The following EPHA10 variants were observed in gnomAD, a reference collection of about 807,000 sequenced individuals.
EPHA10 encodes EPH receptor A10, also known as ephrin type-A receptor 10.
In EPHA10, 120 loss-of-function variants were observed where a neutral mutation model predicts 109.7. The ratio of observed to expected loss-of-function variants is 1.09; its 90% CI spans 0.94 to 1.27. The LOEUF is 1.27. EPHA10 is among the 50% of genes most tolerant of loss of function. The pLI is 0.00. For missense variants in EPHA10, 1,396 were observed against 1,411.1 expected, an observed-to-expected ratio of 0.99 and a Z score of 0.17; for synonymous variants, 640 against 618.9, an observed-to-expected ratio of 1.03 and a Z score of -0.51.
chr1:37,731,359 C>T (rs566173870), intron 7 of EPHA10, 52 bp downstream of exon 7: 65 of 1,499,674 alleles, frequency 4.3e-5, no homozygotes, highest in Non-Finnish European at 5.1e-5. Flanking sequence ...ACCTCAGCCC[C>T]GTGCAGGGTT....
intron 2 of EPHA10, 110 bp downstream of exon 2, chr1:37,762,675 C>T: frequency 1.1e-6 from 1 of 948,704 alleles, no homozygotes; most frequent in Non-Finnish European, 1.5e-6. Context: ...TGCTGGAGAC[C>T]ACACACTCTG....
chr1:37,735,200 A>G, intron 6 of EPHA10, 57 bp downstream of exon 6: 1 of 1,549,866 alleles, frequency 6.5e-7, no homozygotes, highest in Non-Finnish European at 8.7e-7. Flanking sequence ...GAAGAACCAG[A>G]AGCCCTGCGG....
At chr1:37,714,250 A>G (rs982279091), downstream of EPHA10, among the ~76,000 whole-genome samples, 4 of 152,224 alleles carry the variant, frequency 2.6e-5, no homozygotes, top group African/African-American at 9.6e-5. Context: ...CGCAGCCTAA[A>G]GAACATGAAT....
chr1:37,722,973 A>G (rs755782597), intron 10 of EPHA10, 68 bp downstream of exon 10: 1 of 1,610,380 alleles, frequency 6.2e-7, no homozygotes, highest in Non-Finnish European at 8.5e-7. Flanking sequence ...TGGACAGAGT[A>G]GGGGCGGGGC....
rs1646456262 is a variant in EPHA10, at chr1:37,764,163, G to A, written c.106+798C>T. Among the ~76,000 whole-genome samples the A allele has an allele frequency of 6.6e-6, 1 of 152,200 alleles. No individual in the cohort carries two copies. ...GGCCACCAAGGTGAGGGCCTCTCCAGAGGCGTCAGCGACTGTGGGCAGGAC... is the reference window on the plus strand; with the variant it reads ...GGCCACCAAGGTGAGGGCCTCTCCAAAGGCGTCAGCGACTGTGGGCAGGAC... On this transcript the variant is annotated intron_variant, in intron 1 of 16. Coordinates refer to ENST00000373048, the MANE Select transcript of EPHA10 (RefSeq NM_001099439.2). The surrounding 1 kb of genome is among the most constrained non-coding windows in gnomAD (Gnocchi z 5.8).
chr1:37,762,020 C>A lies in EPHA10; in HGVS notation c.235G>T (p.Val79Leu), dbSNP rs1283488094. The part of the protein sequence containing the change: ...RPIRTYQVCN[V>L]LEPNQDNWLQ... ...CAGTTGTCCTGGTTGGGCTCCAGCACATTGCACACTTGGTACGTGCGGATG... is the reference window on the plus strand; with the variant it reads ...CAGTTGTCCTGGTTGGGCTCCAGCAAATTGCACACTTGGTACGTGCGGATG... Residue 79 changes from valine to leucine, a missense_variant, in exon 3 of 17, where the codon GTG (valine) becomes TTG (leucine). Transcript: ENST00000373048. 5 of 1,613,840 alleles carry A rather than the reference C, an allele frequency of 3.1e-6. No homozygotes were observed. In the African/African-American group the frequency reaches 4.0e-5, roughly 13 times the overall value.
chr1:37,761,808 G>C lies in EPHA10; in HGVS notation c.447C>G (p.Pro149=), dbSNP rs1350626931. The change falls in exon 3 of 17, where the codon CCC becomes CCG. Residue 149 remains proline, a synonymous_variant. Coordinates refer to ENST00000373048, the MANE Select transcript of EPHA10 (RefSeq NM_001099439.2). ...RGRPRLGGSR[P]RKIDTIAADE... ...CCGCCGCGATCGTGTCGATTTTGCGGGGCCGGCTGCCGCCTAGGCGGGGAC... is the reference window on the plus strand; with the variant it reads ...CCGCCGCGATCGTGTCGATTTTGCGCGGCCGGCTGCCGCCTAGGCGGGGAC... 1 of 1,613,568 alleles carries C rather than the reference G, an allele frequency of 6.2e-7. No individual in the cohort carries two copies. The highest frequency in any genetic ancestry group is 2.2e-5 in the East Asian group (1 of 44,882).
At chr1:37,718,925 C>A (rs556885928) in intron 15 of EPHA10, 109 bp from the exon 16 acceptor site, 2 of 1,416,392 alleles carry the variant, frequency 1.4e-6, no homozygotes, top group Non-Finnish European at 1.9e-6. Context: ...GGGAGGGTAA[C>A]CGGGCCCCAG....
Position 37,727,206 on chromosome 1 carries a change from G to A in EPHA10, c.1668C>T (p.Ala556=), listed in dbSNP as rs1234090884. 6.3e-7 allele frequency: 1 copy of A among 1,599,100 alleles called. No individual in the cohort carries two copies. Residue 556 remains alanine, a synonymous_variant, in exon 8 of 17, where the codon GCC becomes GCT. Transcript: ENST00000373048. ...CGGGGCTCTGGTCCCTGGACCCTGAGGCAGCTGGGAGGAAAATCACGAGGT... is the reference window on the plus strand; with the variant it reads ...CGGGGCTCTGGTCCCTGGACCCTGAAGCAGCTGGGAGGAAAATCACGAGGT... ...SIEVQTLGEA[A]SGSRDQSPAI... is the part of the protein sequence containing the mutation.
rs192818347 is a variant in EPHA10 at position 37,752,958 on chromosome 1, C to T, written c.1275G>A (p.Val425=). 18 of 1,293,040 alleles carry T rather than the reference C, an allele frequency of 1.4e-5. No individual in the cohort carries two copies. The East Asian group carries it at 6.0e-4, about 43-fold the overall frequency. 80.1% of individuals were successfully genotyped at this position (1,293,040 alleles called of 1,614,324 possible). The change falls in exon 5 of 17, where the codon GTG becomes GTA. Residue 425 remains valine, a synonymous_variant. Coordinates refer to ENST00000373048, the MANE Select transcript of EPHA10 (RefSeq NM_001099439.2). ...LRPGARYTVR[V]AALNGVSGPA... ...GGCCCGAGACGCCGTTGAGCGCGGC[C>T]ACGCGCACGGTGTAGCGCGCGCCGG... is the stretch of plus-strand genomic sequence containing the variant.
rs7517941 is a variant in EPHA10 at position 37,723,228 on chromosome 1, C to A, written c.1835-62G>T. The A allele has an allele frequency of 1.6e-3, 2,617 of 1,605,678 alleles. 34 individuals are homozygous for A. The African/African-American group carries it at 0.031, about 19-fold the overall frequency. On this transcript the variant is annotated intron_variant, in intron 9 of 16. Coordinates refer to ENST00000373048, the MANE Select transcript of EPHA10 (RefSeq NM_001099439.2). ...TCCACCACTGGGGCTGACAAGCGGG[C>A]TCATGCAGTGTAGCAAGGCAGAGGG...
rs1645709784 is a variant in EPHA10 at position 37,717,371 on chromosome 1, G to A, written c.*1001C>T. The stretch of plus-strand genomic sequence containing the variant: ...GGTGGTGCCATAGGGCAGGACCAAG[G>A]ACTCTCTCCCCAGAGCCAGCCTTAC... On this transcript the variant is annotated 3_prime_UTR_variant, in exon 17 of 17. Transcript: ENST00000373048. 4.3e-6 allele frequency: 1 copy of A among 232,468 alleles called. No homozygotes were observed. The highest frequency in any genetic ancestry group is 2.2e-5 in the African/African-American group (1 of 45,266). 14.4% of individuals were successfully genotyped at this position (232,468 alleles called of 1,614,324 possible).
chr1:37,761,193 C>A (rs1293170881), intron 3 of EPHA10: 25 of 1,469,750 alleles, frequency 1.7e-5, no homozygotes, highest in Admixed American at 1.3e-4. Context: ...CCTCCTTAGC[C>A]AGTCAATTTC....
Position 37,723,118 on chromosome 1 carries a change from T to A in EPHA10, c.1883A>T (p.Asp628Val). ...RTFLDPQSCG[D>V]LLQAVHLFAK... ...GAACAGATGCACAGCCTGCAGCAGG[T>A]CCCCACAGCTCTGGGGGTCCAGGAA... The change falls in exon 10 of 17, where the codon GAC becomes GTC. Residue 628 changes from aspartate (D) to valine (V), a missense_variant. Asp to Val is a radical substitution (Grantham distance 152). Transcript: ENST00000373048. 1 of 1,614,092 alleles carries A rather than the reference T, an allele frequency of 6.2e-7. No homozygotes were observed. Among genetic ancestry groups the A allele is most frequent in the South Asian group, 1.1e-5 (1 of 91,084 alleles).
chr1:37,738,711 AT>A (rs1646107152), intron 5 of EPHA10, among the ~76,000 whole-genome samples: 1 of 152,242 alleles, frequency 6.6e-6, no homozygotes, highest in Non-Finnish European at 1.5e-5. Context: ...ACCCATGTTC[AT>A]TGCAGCATTA....
chr1:37,717,031 C>CCCCCCCCCCCAAA lies in EPHA10; in HGVS notation c.*1340_*1341insTTTGGGGGGGGGG. 5.9e-6 allele frequency: 1 copy of CCCCCCCCCCCAAA among 169,508 alleles called. No individual in the cohort carries two copies. Among genetic ancestry groups the CCCCCCCCCCCAAA allele is most frequent in the Non-Finnish European group, 1.2e-5 (1 of 81,038 alleles). 10.5% of individuals were successfully genotyped at this position (169,508 alleles called of 1,614,324 possible). A position where few individuals can be genotyped will look rare whatever the true frequency, so the allele number is the denominator to read the frequency against. On this transcript the variant is annotated 3_prime_UTR_variant, in exon 17 of 17. Coordinates refer to ENST00000373048, the MANE Select transcript of EPHA10 (RefSeq NM_001099439.2). ...TCTTGTCTCCTCTTTCCCGCCCCAT[C>CCCCCCCCCCCAAA]CCACCCCACCAACACACAGCCAAGC...
intron 7 of EPHA10, among the ~76,000 whole-genome samples, chr1:37,729,551 C>T (rs1331511952): frequency 6.6e-6 from 1 of 151,966 alleles, no homozygotes; most frequent in Non-Finnish European, 1.5e-5. Flanking sequence ...AGCAAGATTC[C>T]ATCGCTCTTT....
chr1:37,750,885 A>G (rs2148360557), intron 5 of EPHA10, among the ~76,000 whole-genome samples: 1 of 152,264 alleles, frequency 6.6e-6, no homozygotes, highest in Non-Finnish European at 1.5e-5. Context: ...AGTTGTGCAA[A>G]TCAAAAGGTT....
rs56226051 is a variant in EPHA10 at position 37,732,863 on chromosome 1, C to CTTTT, written c.1492-1285_1492-1282dup. ...CAAATATAGCCCTTTTATACTTGTT[C>CTTTT]TTTTTTTTTTTTTTTTTTTTTTTTT... is the stretch of plus-strand genomic sequence containing the variant. On this transcript the variant is annotated intron_variant, in intron 6 of 16. Coordinates refer to ENST00000373048, the MANE Select transcript of EPHA10 (RefSeq NM_001099439.2). Among the ~76,000 whole-genome samples, 47 of 25,026 alleles carry CTTTT rather than the reference C, an allele frequency of 1.9e-3. 8 individuals carry two copies. The highest frequency in any genetic ancestry group is 3.1e-3 in the African/African-American group (23 of 7,466). The allele number at this position is 25,026 out of a possible 152,430, so 16.4% of individuals were successfully genotyped here.
Sources: allele counts gnomAD v4.1 joint callset (sites outside exome capture counted in the v4.1 genomes callset), GRCh38; gene constraint gnomAD v4.1.1; non-coding constraint Gnocchi (gnomAD v3.1); transcripts MANE v1.5; gene names NCBI Gene and HGNC (gene_info 2026-07-23, HGNC 2026-07-21).